SEM1: variants seen among roughly 807,000 people sequenced by gnomAD.
The protein encoded by SEM1 is 26S proteasome complex subunit SEM1.
In SEM1, 3 loss-of-function variants were observed where a neutral mutation model predicts 12.7. That is an observed-to-expected ratio of 0.24 (90% CI 0.11 to 0.61). The LOEUF (loss-of-function observed/expected upper bound fraction) is 0.61, where lower values mean the gene tolerates loss of function less well. Ranked by LOEUF, SEM1 falls within the 20% of genes least tolerant of loss-of-function variation. The pLI is 0.88. For missense variants in SEM1, 59 were observed against 81.3 expected, an observed-to-expected ratio of 0.73 and a Z score of 1.06; for synonymous variants, 30 against 27.8, an observed-to-expected ratio of 1.08 and a Z score of -0.25.
At chr7:96,676,398 T>TC (rs1789449602) in intron 2 of SEM1, among the ~76,000 whole-genome samples, 2 of 152,310 alleles carry the variant, frequency 1.3e-5, no homozygotes, top group South Asian at 4.1e-4. Flanking sequence ...CAATTCATCC[T>TC]CCTATGATAA....
At chr7:96,677,459 T>G (rs1210500043) in intron 2 of SEM1, among the ~76,000 whole-genome samples, 1 of 152,274 alleles carries the variant, frequency 6.6e-6, no homozygotes, top group Non-Finnish European at 1.5e-5. Context: ...TTACAGAATC[T>G]CTCACAAAGA....
chr7:96,705,555 C>T (rs533185465), intron 1 of SEM1, among the ~76,000 whole-genome samples: 4 of 152,146 alleles, frequency 2.6e-5, no homozygotes, highest in African/African-American at 9.6e-5. Flanking sequence ...AGGCTGGGCG[C>T]GGTGGCTCAT....
At chr7:96,549,902 G>T (rs780298217) in intron 2 of SEM1, among the ~76,000 whole-genome samples, 9 of 152,036 alleles carry the variant, frequency 5.9e-5, no homozygotes, top group Non-Finnish European at 1.0e-4. Flanking sequence ...TAGCATTTCG[G>T]CTATGTAACT....
At chr7:96,583,881 G>T (rs1457358886) in intron 2 of SEM1, among the ~76,000 whole-genome samples, 1 of 150,876 alleles carries the variant, frequency 6.6e-6, no homozygotes, top group Non-Finnish European at 1.5e-5. Context: ...CGTGAGATGG[G>T]TTTCCTGAAT....
intron 3 of SEM1, chr7:96,503,347 A>G (rs1392899303): frequency 6.6e-6 from 1 of 152,154 alleles, no homozygotes; most frequent in African/African-American, 2.4e-5. Flanking sequence ...ACAGACTTGA[A>G]AGTAAAAACC....
chr7:96,617,670 G>A (rs1197515430), downstream of SEM1, among the ~76,000 whole-genome samples: 1 of 152,064 alleles, frequency 6.6e-6, no homozygotes, highest in Non-Finnish European at 1.5e-5. Context: ...TGTTGGGTAT[G>A]GGTTTGTCAT....
chr7:96,508,915 G>T (rs1487432092), intron 2 of SEM1, among the ~76,000 whole-genome samples: 2 of 151,802 alleles, frequency 1.3e-5, no homozygotes, highest in African/African-American at 4.8e-5. Flanking sequence ...TAAATCAGGT[G>T]GGATTTGAAA....
intron 1 of SEM1, among the ~76,000 whole-genome samples, chr7:96,703,669 G>A (rs1411596132): frequency 6.6e-6 from 1 of 150,774 alleles, no homozygotes; most frequent in Non-Finnish European, 1.5e-5. Flanking sequence ...TTCTTTTAAA[G>A]GCCAGGTGCA....
intron 2 of SEM1, among the ~76,000 whole-genome samples, chr7:96,548,463 A>G (rs1248366135): frequency 1.3e-5 from 2 of 152,186 alleles, no homozygotes; most frequent in Non-Finnish European, 2.9e-5. Context: ...CTACTGAATC[A>G]GAATCTGTAT....
At chr7:96,632,890 A>G (rs1055031280) in intron 2 of SEM1, among the ~76,000 whole-genome samples, 11 of 149,856 alleles carry the variant, frequency 7.3e-5, no homozygotes, top group Non-Finnish European at 1.2e-4. Context: ...GCCCCTTACC[A>G]ATCCTGTACC....
chr7:96,551,450 A>T (rs1183009509), intron 2 of SEM1, among the ~76,000 whole-genome samples: 1 of 152,168 alleles, frequency 6.6e-6, no homozygotes, highest in Non-Finnish European at 1.5e-5. Context: ...TTGTAATCCC[A>T]GCACTTTGGG....
chr7:96,525,065 C>T (rs1478514060), intron 2 of SEM1, among the ~76,000 whole-genome samples: 1 of 152,118 alleles, frequency 6.6e-6, no homozygotes, highest in Non-Finnish European at 1.5e-5. Context: ...TGATTCTTCT[C>T]CAGCCTCAAG....
At chr7:96,632,775 T>C (rs1295676141) in intron 2 of SEM1, among the ~76,000 whole-genome samples, 2 of 120,150 alleles carry the variant, frequency 1.7e-5, no homozygotes, top group East Asian at 5.9e-4. Context: ...TTTTTTTTTG[T>C]TGTTTTTTGT....
At chr7:96,489,306 C>T (rs1357773898) in intron 1 of SEM1, among the ~76,000 whole-genome samples, 1 of 152,120 alleles carries the variant, frequency 6.6e-6, no homozygotes, top group East Asian at 1.9e-4. Flanking sequence ...ACATTAGTGG[C>T]ATCAGAATGA....
intron 1 of SEM1, 49 bp from the exon 2 acceptor site, chr7:96,694,940 C>A: frequency 7.3e-7 from 1 of 1,377,354 alleles, no homozygotes; most frequent in Non-Finnish European, 1.0e-6. Flanking sequence ...ACATTATTTC[C>A]ACAATTACAA....
At chr7:96,657,257 T>C (rs1425227916) in intron 2 of SEM1, among the ~76,000 whole-genome samples, 7 of 152,226 alleles carry the variant, frequency 4.6e-5, no homozygotes, top group Admixed American at 4.6e-4. Context: ...TGAGGGTGGC[T>C]TACACTTGTA....
intron 1 of SEM1, among the ~76,000 whole-genome samples, chr7:96,488,482 G>A (rs984676982): frequency 2.0e-5 from 3 of 152,070 alleles, no homozygotes; most frequent in African/African-American, 7.2e-5. Context: ...CAATAGTAGG[G>A]CCATAAAGGC....
At chr7:96,522,911 A>T in intron 2 of SEM1, among the ~76,000 whole-genome samples, 1 of 148,268 alleles carries the variant, frequency 6.7e-6, no homozygotes. Context: ...AAAAAAAAAA[A>T]GAGAGATGTT....
At chr7:96,708,802 C>T (rs946022861) in intron 1 of SEM1, among the ~76,000 whole-genome samples, 1 of 152,090 alleles carries the variant, frequency 6.6e-6, no homozygotes, top group Admixed American at 6.5e-5. Context: ...ATACTGAGGC[C>T]TACTTCTTAT....
Sources: allele counts gnomAD v4.1 joint callset (sites outside exome capture counted in the v4.1 genomes callset), GRCh38; gene constraint gnomAD v4.1.1; transcripts MANE v1.5; gene names NCBI Gene and HGNC (gene_info 2026-07-23, HGNC 2026-07-21).